Variants in CLRN3 observed in about 807,000 individuals in gnomAD.
CLRN3 encodes clarin 3.
In CLRN3, 12 loss-of-function variants were observed where a neutral mutation model predicts 16.7. The observed-to-expected ratio is 0.72, with a 90% confidence interval of 0.46 to 1.16. The LOEUF (loss-of-function observed/expected upper bound fraction) is 1.16, where lower values mean the gene tolerates loss of function less well. CLRN3 is among the 50% of genes most tolerant of loss of function. CLRN3 has a pLI of 0.00. For missense variants in CLRN3, 296 were observed against 274.2 expected (o/e 1.08, Z -0.56); for synonymous variants, 118 against 113.0 (o/e 1.04, Z -0.28).
chr10:127,879,290 C>T (rs190713122), intron 2 of CLRN3, among the ~76,000 whole-genome samples: 83 of 152,024 alleles, frequency 5.5e-4, no homozygotes, highest in African/African-American at 1.8e-3. Context: ...TTATGGAGAC[C>T]GGCTTTTTCT....
chr10:127,879,209 A>G (rs1352150728), intron 2 of CLRN3, among the ~76,000 whole-genome samples: 1 of 152,146 alleles, frequency 6.6e-6, no homozygotes, highest in Non-Finnish European at 1.5e-5. Flanking sequence ...CCCAGGCTCC[A>G]TTGATCCTAC....
intron 2 of CLRN3, 138 bp from the exon 3 acceptor site, chr10:127,878,558 G>T: frequency 1.6e-6 from 2 of 1,214,356 alleles, no homozygotes; most frequent in Non-Finnish European, 2.2e-6. Flanking sequence ...TAGGGAGAAG[G>T]TACAAAATTG....
At chr10:127,892,041 T>C (rs1845263086) in intron 1 of CLRN3, among the ~76,000 whole-genome samples, 1 of 152,184 alleles carries the variant, frequency 6.6e-6, no homozygotes, top group Non-Finnish European at 1.5e-5. Context: ...ATACAATTAA[T>C]AAATTAATGG....
intron 2 of CLRN3, 77 bp downstream of exon 2, chr10:127,883,619 A>AT: frequency 9.8e-7 from 1 of 1,016,230 alleles, no homozygotes; most frequent in Non-Finnish European, 1.6e-6. Context: ...ATGTTCATGC[A>AT]TGTGTGAGAG....
At chr10:127,880,346 A>G (rs1427218513) in intron 2 of CLRN3, among the ~76,000 whole-genome samples, 1 of 152,114 alleles carries the variant, frequency 6.6e-6, no homozygotes, top group Non-Finnish European at 1.5e-5. Flanking sequence ...TTTAGTGATG[A>G]GATGCCCAGA....
Position 127,878,122 on chromosome 10 carries a change from C to A in CLRN3, c.*27G>T, listed in dbSNP as rs1237956968. 6.2e-7 allele frequency: 1 copy of A among 1,605,412 alleles called. No homozygotes were observed. The highest frequency in any genetic ancestry group is 8.5e-7 in the Non-Finnish European group (1 of 1,173,662). On this transcript the variant is annotated 3_prime_UTR_variant, in exon 3 of 3. Transcript: ENST00000368671. ...ACTCAGGGCTGATGTACAATAGATGCAACGCCAAAATGAGATGAAAGAGAA... is the reference window on the plus strand; with the variant it reads ...ACTCAGGGCTGATGTACAATAGATGAAACGCCAAAATGAGATGAAAGAGAA...
chr10:127,892,488 C>T, intron 1 of CLRN3, 68 bp downstream of exon 1: 1 of 906,456 alleles, frequency 1.1e-6, no homozygotes, highest in Non-Finnish European at 1.8e-6. Context: ...GTTATTTGGC[C>T]CAAATATAGA....
At chr10:127,892,427 G>T in intron 1 of CLRN3, 129 bp downstream of exon 1, 1 of 641,590 alleles carries the variant, frequency 1.6e-6, no homozygotes, top group Non-Finnish European at 2.7e-6. Flanking sequence ...TATGAGTTAA[G>T]CTTGTACCTT....
At chr10:127,886,093 T>C (rs1366911303) in intron 1 of CLRN3, among the ~76,000 whole-genome samples, 3 of 152,114 alleles carry the variant, frequency 2.0e-5, no homozygotes, top group Non-Finnish European at 4.4e-5. Context: ...TCTCACTATG[T>C]TGCCCAGGCT....
chr10:127,883,566 A>T (rs1433609960), intron 2 of CLRN3, 130 bp downstream of exon 2: 2 of 708,088 alleles, frequency 2.8e-6, no homozygotes, highest in Non-Finnish European at 2.6e-6. Flanking sequence ...CCCTCAGCTC[A>T]TGGGAGGTCC....
chr10:127,879,948 G>A (rs536456470), intron 2 of CLRN3, among the ~76,000 whole-genome samples: 2 of 152,228 alleles, frequency 1.3e-5, no homozygotes, highest in African/African-American at 2.4e-5. Flanking sequence ...CCATGTACCC[G>A]GAACTCAGTG....
chr10:127,884,075 G>T (rs976838026), intron 1 of CLRN3, among the ~76,000 whole-genome samples, 200 bp from the exon 2 acceptor site: 36 of 152,292 alleles, frequency 2.4e-4, no homozygotes, highest in African/African-American at 8.4e-4. Flanking sequence ...TGGTTGGATG[G>T]GTATAACCGC....
rs527621462 is a variant in CLRN3 at position 127,880,283 on chromosome 10, A to G, written c.410-1863T>C. On this transcript the variant is annotated intron_variant, in intron 2 of 2. Transcript: ENST00000368671. ...CCAGAGCGGGCTGCCTAGAACTTTG[A>G]TTTGAATGGGGAGGGGCCGACACAC... Among the ~76,000 whole-genome samples the G allele has an allele frequency of 5.3e-5, 8 of 152,224 alleles. No individual in the cohort carries two copies. In the South Asian group the frequency reaches 8.3e-4, roughly 16 times the overall value.
At chr10:127,892,409 T>G (rs931010781) in intron 1 of CLRN3, 147 bp downstream of exon 1, 3 of 612,876 alleles carry the variant, frequency 4.9e-6, no homozygotes, top group African/African-American at 3.7e-5. Context: ...ATGGCAAATT[T>G]CCAAAATTAT....
chr10:127,892,803 TCTCTAGG>T lies in CLRN3; in HGVS notation c.-26_-20del. On this transcript the variant is annotated 5_prime_UTR_variant, in exon 1 of 3. Transcript: ENST00000368671. ...TAGGCATTTTCACAGGAAAATAAGT[TCTCTAGG>T]ACAAAAAAAGGAATATCTTCTTATA... 6.9e-7 allele frequency: 1 copy of T among 1,446,142 alleles called. No homozygotes were observed. Among genetic ancestry groups the T allele is most frequent in the South Asian group, 1.2e-5 (1 of 86,758 alleles). The allele number at this position is 1,446,142 out of a possible 1,614,324, so 89.6% of individuals were successfully genotyped here.
chr10:127,885,863 G>A (rs1845188211), intron 1 of CLRN3, among the ~76,000 whole-genome samples: 2 of 151,812 alleles, frequency 1.3e-5, no homozygotes, highest in African/African-American at 4.8e-5. Context: ...TCAAGCAATT[G>A]TCCTTCCTCA....
In CLRN3 at chr10:127,883,714, T is replaced by C. The variant is rs773985929; in HGVS notation, c.391A>G (p.Thr131Ala). Residue 131 changes from threonine to alanine, a missense_variant, in exon 2 of 3, where the codon ACC becomes GCC. Coordinates refer to ENST00000368671, the MANE Select transcript of CLRN3 (RefSeq NM_152311.5). ...QTFLGPTGVY[T>A]WNGLGASFVF... ...CACTCACCACCGAGCCCGTTCCAGG[T>C]GTACACCCCCGTCGGCCCCAGGAAT... 6 of 1,612,574 alleles carry C rather than the reference T, an allele frequency of 3.7e-6. No individual in the cohort carries two copies. The East Asian group carries it at 1.3e-4, about 36-fold the overall frequency.
intron 1 of CLRN3, 163 bp from the exon 2 acceptor site, chr10:127,884,038 C>G: frequency 1.5e-6 from 1 of 663,940 alleles, no homozygotes. Context: ...ACCCGCATTC[C>G]CCACTGGAGG....
At chr10:127,880,957 TGA>T (rs944044575) in intron 2 of CLRN3, among the ~76,000 whole-genome samples, 1 of 152,078 alleles carries the variant, frequency 6.6e-6, no homozygotes, top group Non-Finnish European at 1.5e-5. Flanking sequence ...TCCTGGAAAC[TGA>T]GAGTTTCAGT....
Sources: allele counts gnomAD v4.1 joint callset (sites outside exome capture counted in the v4.1 genomes callset), GRCh38; gene constraint gnomAD v4.1.1; transcripts MANE v1.5; gene names NCBI Gene and HGNC (gene_info 2026-07-23, HGNC 2026-07-21).